PGS1: variants seen among roughly 807,000 people sequenced by gnomAD.
PGS1 encodes phosphatidylglycerophosphate synthase 1.
PGS1 carries 44 observed loss-of-function variants against 58.3 expected under a neutral mutation model. That is an observed-to-expected ratio of 0.75 (90% CI 0.59 to 0.97). PGS1 has a LOEUF of 0.97. PGS1 is among the 50% of genes least tolerant of loss of function. PGS1 has a pLI of 0.00. For missense variants in PGS1, 684 were observed against 731.1 expected, an observed-to-expected ratio of 0.94 and a Z score of 0.74; for synonymous variants, 330 against 311.0, an observed-to-expected ratio of 1.06 and a Z score of -0.64.
chr17:78,397,823 G>A (rs370103880), intron 3 of PGS1, among the ~76,000 whole-genome samples: 1 of 152,220 alleles, frequency 6.6e-6, no homozygotes, highest in African/African-American at 2.4e-5. Context: ...TCCGCACTGC[G>A]GAGAGTGGCC....
chr17:78,403,152 G>A (rs950612109), intron 6 of PGS1, among the ~76,000 whole-genome samples: 5 of 151,982 alleles, frequency 3.3e-5, no homozygotes, highest in South Asian at 2.1e-4. Context: ...CATGCACCCC[G>A]AGCACCAGTC....
chr17:78,405,427 T>C (rs1030813886), intron 7 of PGS1, among the ~76,000 whole-genome samples: 4 of 152,220 alleles, frequency 2.6e-5, no homozygotes, highest in Admixed American at 1.3e-4. Flanking sequence ...CTGCCTTTTT[T>C]CCCCATAGCT....
intron 4 of PGS1, among the ~76,000 whole-genome samples, chr17:78,398,703 G>A (rs1294090085): frequency 6.6e-6 from 1 of 152,200 alleles, no homozygotes. Context: ...AAGACTTTTT[G>A]TGGACTCCTG....
intron 1 of PGS1, among the ~76,000 whole-genome samples, chr17:78,389,401 G>A (rs959448066): frequency 6.6e-6 from 1 of 151,920 alleles, no homozygotes; most frequent in African/African-American, 2.4e-5. Context: ...TGGCCAGGCT[G>A]TTCTCGAACT....
intron 8 of PGS1, among the ~76,000 whole-genome samples, chr17:78,418,277 G>A (rs970042573): frequency 6.8e-6 from 1 of 146,434 alleles, no homozygotes; most frequent in Admixed American, 6.6e-5. Flanking sequence ...AAATTAACAT[G>A]TGTTCACTAT....
chr17:78,423,834 T>TCACAGGTG (rs764239849), intron 9 of PGS1: 1 of 1,565,560 alleles, frequency 6.4e-7, no homozygotes, highest in Non-Finnish European at 8.7e-7. Context: ...AAAGAATAAG[T>TCACAGGTG]CACAGGTGCA....
In PGS1 at chr17:78,419,673, C is replaced by G. The variant is rs373750384; in HGVS notation, c.*8C>G. On this transcript the variant is annotated splice_region_variant and 3_prime_UTR_variant, in exon 9 of 10. Coordinates refer to ENST00000262764, the MANE Select transcript of PGS1 (RefSeq NM_024419.5). Reference sequence around the variant, plus strand: ...ATCAAGAACTTCTTCTGAGGACAGACAGGTGCTGTCTCTAGCATCACCTCT... The same window carrying G: ...ATCAAGAACTTCTTCTGAGGACAGAGAGGTGCTGTCTCTAGCATCACCTCT... 1.9e-6 allele frequency: 3 copies of G among 1,613,570 alleles called. No homozygotes were observed. The African/African-American group carries it at 4.0e-5, about 22-fold the overall frequency.
chr17:78,408,337 A>G (rs999224322), intron 7 of PGS1, among the ~76,000 whole-genome samples: 18 of 152,250 alleles, frequency 1.2e-4, no homozygotes, highest in Non-Finnish European at 2.4e-4. Flanking sequence ...CTTGAAGTCT[A>G]GAAGCCTGGT....
intron 1 of PGS1, among the ~76,000 whole-genome samples, chr17:78,391,866 G>A (rs561634421): frequency 6.6e-6 from 1 of 151,998 alleles, no homozygotes; most frequent in African/African-American, 2.4e-5. Flanking sequence ...TCAAGCATTC[G>A]TCCTGCCTTG....
intron 8 of PGS1, among the ~76,000 whole-genome samples, chr17:78,417,875 C>CA (rs1483524406): frequency 6.6e-6 from 1 of 150,666 alleles, no homozygotes; most frequent in Non-Finnish European, 1.5e-5. Context: ...CAGACTCTTA[C>CA]AAGAGAAGCT....
chr17:78,421,162 ATG>A (rs1365888693), intron 9 of PGS1: 1 of 152,210 alleles, frequency 6.6e-6, no homozygotes, highest in African/African-American at 2.4e-5. Context: ...AATACATGTC[ATG>A]TGTGTTTATA....
rs1158333612 is a variant in PGS1 at position 78,398,325 on chromosome 17, T to C, written c.485T>C (p.Leu162Pro). ...CCTTCAAATCTCAAGGTCTCCATTC[T>C]CTTAGACTTCACGCGGGGCTCACGA... Reference protein sequence around the residue: ...KFPSNLKVSILLDFTRGSRGR... With the variant: ...KFPSNLKVSIPLDFTRGSRGR... Residue 162 changes from leucine (L) to proline (P), a missense_variant, in exon 4 of 10, where the codon CTC becomes CCC. Coordinates refer to ENST00000262764, the MANE Select transcript of PGS1 (RefSeq NM_024419.5). 6.2e-7 allele frequency: 1 copy of C among 1,613,954 alleles called. No homozygotes were observed. The highest frequency in any genetic ancestry group is 1.3e-5 in the African/African-American group (1 of 75,048).
chr17:78,400,727 TC>T lies in PGS1; in HGVS notation c.754del (p.Leu252CysfsTer59), dbSNP rs1447311627. 4 of 1,613,988 alleles carry T rather than the reference TC, an allele frequency of 2.5e-6. No homozygotes were observed. The highest frequency in any genetic ancestry group is 2.5e-6 in the Non-Finnish European group (3 of 1,179,960). On this transcript the variant is annotated frameshift_variant, in exon 6 of 10. Coordinates refer to ENST00000262764, the MANE Select transcript of PGS1 (RefSeq NM_024419.5). LOFTEE classifies it high-confidence loss of function. The surrounding 1 kb of genome is among the most constrained non-coding windows in gnomAD (Gnocchi z 4.4). Reference protein sequence around the residue: ...YFTNRQDRYVFLQDCAEIADF... With the variant: ...YFTNRQDRYVXLQDCAEIADF... ...ACCAACCGCCAGGACCGCTACGTGT[TC>T]CTGCAGGACTGTGCGGAGATTGCCG...
chr17:78,404,008 A>G lies in PGS1; in HGVS notation c.1321A>G (p.Ser441Gly), dbSNP rs2083903815. The G allele has an allele frequency of 6.2e-7, 1 of 1,613,652 alleles. No individual in the cohort carries two copies. ...AYVHIERQFF[S>G]EVCSLGQQER... ...TGTGCACATCGAGCGACAGTTCTTC[A>G]GTGAGGTGTGCAGCCTGGGACAGCA... The change falls in exon 7 of 10, where the codon AGT (serine) becomes GGT (glycine). Residue 441 changes from serine (S) to glycine (G), a missense_variant. Coordinates refer to ENST00000262764, the MANE Select transcript of PGS1 (RefSeq NM_024419.5).
At chr17:78,409,094 AT>A (rs1335749871) in intron 7 of PGS1, among the ~76,000 whole-genome samples, 1 of 152,182 alleles carries the variant, frequency 6.6e-6, no homozygotes, top group East Asian at 1.9e-4. Context: ...GCCAGTTCTT[AT>A]GTCTCTCTTC....
chr17:78,413,816 G>T (rs1039845354), intron 7 of PGS1, among the ~76,000 whole-genome samples: 2 of 152,212 alleles, frequency 1.3e-5, no homozygotes, highest in Non-Finnish European at 2.9e-5. Context: ...GGAAGTTGTG[G>T]AACGGGGCGC....
chr17:78,399,097 A>G (rs975102372), intron 4 of PGS1, among the ~76,000 whole-genome samples: 4 of 152,024 alleles, frequency 2.6e-5, no homozygotes, highest in Non-Finnish European at 5.9e-5. Flanking sequence ...TTACCAGGAG[A>G]AGGGTGAATG....
rs1179394444 is a variant in PGS1 at position 78,397,505 on chromosome 17, C to T, written c.412-747C>T. ...AGGCTGGAGTGCAATGGCGCGATCT[C>T]GGCTTGCCGCAACCTCCGCCTCCTG... On this transcript the variant is annotated intron_variant, in intron 3 of 9. Transcript: ENST00000262764. 1.4e-4 allele frequency among the ~76,000 whole-genome samples: 21 copies of T among 151,954 alleles called. 1 individual carries two copies. The East Asian group carries it at 3.1e-3, about 22-fold the overall frequency.
At chr17:78,387,128 C>T (rs577514381) in intron 1 of PGS1, among the ~76,000 whole-genome samples, 4 of 152,132 alleles carry the variant, frequency 2.6e-5, no homozygotes, top group Admixed American at 6.5e-5. Context: ...CTCAGCCTCC[C>T]GAGTAGCTGG....
Sources: allele counts gnomAD v4.1 joint callset (sites outside exome capture counted in the v4.1 genomes callset), GRCh38; gene constraint gnomAD v4.1.1; non-coding constraint Gnocchi (gnomAD v3.1); transcripts MANE v1.5; gene names NCBI Gene and HGNC (gene_info 2026-07-23, HGNC 2026-07-21).